The following LARGE1 variants were observed in gnomAD, a reference collection of about 807,000 sequenced individuals.
LARGE1 encodes the protein LARGE xylosyl- and glucuronyltransferase 1.
In LARGE1, 43 loss-of-function variants were observed where a neutral mutation model predicts 87.6. That is an observed-to-expected ratio of 0.49 (90% CI 0.38 to 0.63). The LOEUF (loss-of-function observed/expected upper bound fraction) is 0.63. Among genes scored for constraint, LARGE1 ranks in the 30% least tolerant of loss-of-function variants. LARGE1 has a pLI of 0.00. For missense variants in LARGE1, 802 were observed against 1,000.2 expected, an observed-to-expected ratio of 0.80 and a Z score of 2.67; for synonymous variants, 434 against 394.6, an observed-to-expected ratio of 1.10 and a Z score of -1.18.
intron 3 of LARGE1, 110 bp from the exon 4 acceptor site, chr22:33,626,436 T>G: frequency 1.2e-6 from 1 of 824,390 alleles, no homozygotes; most frequent in Non-Finnish European, 2.1e-6. Flanking sequence ...GTTGGCATCA[T>G]TAGAAAACAA....
chr22:33,353,058 C>G (rs1940544974), intron 9 of LARGE1, among the ~76,000 whole-genome samples: 1 of 152,136 alleles, frequency 6.6e-6, no homozygotes, highest in Non-Finnish European at 1.5e-5. Context: ...TGACAAGAAA[C>G]TGGCAAAAAA....
chr22:33,494,879 G>C (rs143450726), intron 6 of LARGE1, among the ~76,000 whole-genome samples: 1 of 152,260 alleles, frequency 6.6e-6, no homozygotes, highest in African/African-American at 2.4e-5. Context: ...GGGCAAATCT[G>C]GGAGAGGGCA....
At chr22:33,163,893 A>C (rs1292859978) in exon 12 of LARGE1, 1 of 152,262 alleles carries the variant, frequency 6.6e-6, no homozygotes, top group Non-Finnish European at 1.5e-5. Context: ...GTGGGCTATC[A>C]GTGCCAAATC....
chr22:33,716,167 G>A (rs749065320), intron 2 of LARGE1, among the ~76,000 whole-genome samples: 1 of 151,986 alleles, frequency 6.6e-6, no homozygotes, highest in African/African-American at 2.4e-5. Context: ...TATATCCTCA[G>A]GTTGATGAAT....
chr22:33,290,629 G>A (rs767202696), intron 12 of LARGE1, among the ~76,000 whole-genome samples: 9 of 152,180 alleles, frequency 5.9e-5, no homozygotes, highest in Non-Finnish European at 8.8e-5. Flanking sequence ...TGAGATGAGA[G>A]CTGGGGGCTG....
intron 12 of LARGE1, among the ~76,000 whole-genome samples, chr22:33,295,538 G>A (rs1933129496): frequency 6.6e-6 from 1 of 152,194 alleles, no homozygotes; most frequent in Non-Finnish European, 1.5e-5. Context: ...CTACCTTAGG[G>A]TGACAATACG....
intron 11 of LARGE1, among the ~76,000 whole-genome samples, chr22:33,201,166 G>T (rs1035972808): frequency 5.9e-5 from 9 of 152,188 alleles, no homozygotes; most frequent in African/African-American, 2.2e-4. Flanking sequence ...AAATTAACCT[G>T]GCATAGCAGT....
In LARGE1 at chr22:33,432,221, G is replaced by A; in HGVS notation, c.832C>T (p.Leu278Phe). 6.2e-7 allele frequency: 1 copy of A among 1,614,156 alleles called. No individual in the cohort carries two copies. Among genetic ancestry groups the A allele is most frequent in the South Asian group, 1.1e-5 (1 of 91,082 alleles). Residue 278 changes from leucine (L) to phenylalanine (F), a missense_variant, in exon 7 of 15, where the codon CTT (leucine) becomes TTT (phenylalanine). Coordinates refer to ENST00000397394, the MANE Select transcript of LARGE1 (RefSeq NM_133642.5). ...CGGTGATTTTTCCACAGGTTTCCAA[G>A]GTACCAGTCACTCTGGTTCTCCACC... ...GLVENQSDWY[L>F]GNLWKNHRPW...
chr22:33,373,026 G>T (rs1331853457), intron 9 of LARGE1, among the ~76,000 whole-genome samples: 1 of 152,150 alleles, frequency 6.6e-6, no homozygotes. Context: ...AAAATGACTG[G>T]TTATTTAATA....
At chr22:33,704,947 C>T (rs1603208128) in intron 2 of LARGE1, 1 of 152,294 alleles carries the variant, frequency 6.6e-6, no homozygotes, top group Non-Finnish European at 1.5e-5. Flanking sequence ...GCAGAGGACC[C>T]ACACTAAGGA....
chr22:33,732,943 C>T (rs2083523718), intron 2 of LARGE1: 1 of 152,396 alleles, frequency 6.6e-6, no homozygotes, highest in African/African-American at 2.4e-5. Context: ...AGGCAAAGCA[C>T]CTCCTGTGTT....
chr22:33,383,375 C>T (rs1043985777), intron 8 of LARGE1, among the ~76,000 whole-genome samples: 3 of 151,920 alleles, frequency 2.0e-5, no homozygotes, highest in Non-Finnish European at 2.9e-5. Flanking sequence ...GCCTGGCCAA[C>T]GTGGAGAAAC....
chr22:33,886,812 T>C (rs2064865408), intron 1 of LARGE1, among the ~76,000 whole-genome samples: 1 of 152,086 alleles, frequency 6.6e-6, no homozygotes, highest in South Asian at 2.1e-4. Flanking sequence ...TACCAGGCAC[T>C]GCGCTCACCA....
At chr22:33,565,376 C>A (rs965946874) in intron 5 of LARGE1, among the ~76,000 whole-genome samples, 1 of 152,158 alleles carries the variant, frequency 6.6e-6, no homozygotes, top group African/African-American at 2.4e-5. Context: ...AAAATTGAAT[C>A]CCACTACAAA....
intron 6 of LARGE1, among the ~76,000 whole-genome samples, chr22:33,531,570 G>A (rs1402168526): frequency 6.6e-6 from 1 of 152,222 alleles, no homozygotes; most frequent in African/African-American, 2.4e-5. Flanking sequence ...ACTGACTGAA[G>A]ATCACACAGC....
intron 6 of LARGE1, among the ~76,000 whole-genome samples, chr22:33,538,383 G>A (rs764819417): frequency 1.3e-5 from 2 of 152,174 alleles, no homozygotes; most frequent in Admixed American, 6.5e-5. Context: ...TCTTTCTTGC[G>A]CATTCTTTAG....
intron 5 of LARGE1, among the ~76,000 whole-genome samples, chr22:33,573,637 A>G (rs1602508746): frequency 6.6e-6 from 1 of 152,334 alleles, no homozygotes; most frequent in East Asian, 1.9e-4. Flanking sequence ...TCCATGGTCT[A>G]GTGGATATTC....
intron 7 of LARGE1, among the ~76,000 whole-genome samples, chr22:33,426,441 T>C (rs1176154449): frequency 6.6e-6 from 1 of 152,182 alleles, no homozygotes; most frequent in African/African-American, 2.4e-5. Context: ...TCTTAGTTCC[T>C]GACATCAGAG....
chr22:33,291,391 G>A (rs377146421), intron 12 of LARGE1, among the ~76,000 whole-genome samples: 2 of 152,070 alleles, frequency 1.3e-5, no homozygotes, highest in South Asian at 4.1e-4. Context: ...AATCCTGTCT[G>A]TCTACCCTTA....
Sources: allele counts gnomAD v4.1 joint callset (sites outside exome capture counted in the v4.1 genomes callset), GRCh38; gene constraint gnomAD v4.1.1; transcripts MANE v1.5; gene names NCBI Gene and HGNC (gene_info 2026-07-23, HGNC 2026-07-21).